Variants in MEIS1 observed in about 807,000 individuals in gnomAD.
The protein encoded by MEIS1 is homeobox protein Meis1.
Under a neutral mutation model 50.8 loss-of-function variants are expected in MEIS1, and 5 were observed. That is an observed-to-expected ratio of 0.10 (90% CI 0.05 to 0.21). MEIS1 has a LOEUF of 0.21. MEIS1 is among the 10% of genes least tolerant of loss of function. The pLI is 1.00. For missense variants in MEIS1, 318 were observed against 517.3 expected (o/e 0.61, Z 3.74); for synonymous variants, 176 against 179.3 (o/e 0.98, Z 0.15).
chr2:66,529,647 A>T (rs1674342430), intron 8 of MEIS1, among the ~76,000 whole-genome samples: 3 of 152,188 alleles, frequency 2.0e-5, no homozygotes, highest in South Asian at 4.1e-4. Context: ...AAGTTGTATT[A>T]TGAGGCATAT....
intron 8 of MEIS1, among the ~76,000 whole-genome samples, chr2:66,516,097 A>G (rs1475611997): frequency 6.6e-6 from 1 of 152,234 alleles, no homozygotes. Flanking sequence ...AAAAGAATGC[A>G]TGCCACGTTT....
At chr2:66,453,883 T>C (rs567601580) in intron 6 of MEIS1, among the ~76,000 whole-genome samples, 11 of 152,012 alleles carry the variant, frequency 7.2e-5, no homozygotes, top group African/African-American at 2.4e-4. Context: ...AGTTTAGAAG[T>C]AGAAAAGAGA....
At chr2:66,556,829 C>G (rs1307405471) in intron 9 of MEIS1, among the ~76,000 whole-genome samples, 5 of 150,092 alleles carry the variant, frequency 3.3e-5, no homozygotes, top group African/African-American at 1.2e-4. Flanking sequence ...GATCTCAGCC[C>G]CCTGGCTGGT....
chr2:66,512,005 C>T (rs1157740650), intron 7 of MEIS1, 144 bp from the exon 8 acceptor site: 19 of 1,011,796 alleles, frequency 1.9e-5, no homozygotes, highest in Non-Finnish European at 2.4e-5. Context: ...TCTTGGAAAA[C>T]AAAACACAAC....
chr2:66,499,321 C>T (rs4671730), intron 7 of MEIS1, among the ~76,000 whole-genome samples: 66,145 of 152,002 alleles, frequency 0.44, 14,663 homozygotes, highest in East Asian at 0.52. Context: ...TCTTCTTCCA[C>T]TTCACTTTGT....
At chr2:66,548,061 C>T (rs1399960185) in intron 9 of MEIS1, 42 bp downstream of exon 9, 3 of 1,578,532 alleles carry the variant, frequency 1.9e-6, no homozygotes, top group Non-Finnish European at 1.7e-6. Context: ...TCTGTTTCCC[C>T]CTCTGGCAAC....
At chr2:66,509,643 C>G (rs1673775976) in intron 7 of MEIS1, among the ~76,000 whole-genome samples, 1 of 152,200 alleles carries the variant, frequency 6.6e-6, no homozygotes, top group Non-Finnish European at 1.5e-5. Flanking sequence ...AAATTCTGTT[C>G]CTAATGCTTC....
intron 8 of MEIS1, among the ~76,000 whole-genome samples, chr2:66,521,394 C>A (rs1674118243): frequency 6.6e-6 from 1 of 151,642 alleles, no homozygotes; most frequent in Non-Finnish European, 1.5e-5. Flanking sequence ...GGCCTGGACG[C>A]CAAAGAGCTA....
chr2:66,450,013 G>C (rs1672242556), intron 6 of MEIS1, among the ~76,000 whole-genome samples: 1 of 151,990 alleles, frequency 6.6e-6, no homozygotes, highest in South Asian at 2.1e-4. Flanking sequence ...ATTACAGCTG[G>C]AGTTGTATAG....
intron 6 of MEIS1, among the ~76,000 whole-genome samples, chr2:66,449,050 CA>C (rs1672221416): frequency 6.6e-6 from 1 of 151,688 alleles, no homozygotes; most frequent in African/African-American, 2.4e-5. Context: ...CTCCTGAGTG[CA>C]AAAAAATTTA....
At chr2:66,475,382 C>T (rs1672870616) in intron 7 of MEIS1, among the ~76,000 whole-genome samples, 2 of 144,798 alleles carry the variant, frequency 1.4e-5, no homozygotes, top group Non-Finnish European at 3.0e-5. Context: ...ATATATTCTC[C>T]CTCTCATTCT....
chr2:66,480,363 C>T (rs1672988179), intron 7 of MEIS1, among the ~76,000 whole-genome samples: 1 of 152,150 alleles, frequency 6.6e-6, no homozygotes, highest in African/African-American at 2.4e-5. Flanking sequence ...CTCTGGGATA[C>T]TAGTGACTAA....
intron 7 of MEIS1, among the ~76,000 whole-genome samples, chr2:66,485,151 G>A (rs1026631784): frequency 5.9e-5 from 9 of 151,958 alleles, no homozygotes; most frequent in East Asian, 3.9e-4. Context: ...CAGAACCTGC[G>A]GGTTTGTTAC....
chr2:66,440,014 G>A, intron 3 of MEIS1, 30 bp downstream of exon 3: 8 of 1,556,716 alleles, frequency 5.1e-6, no homozygotes, highest in Non-Finnish European at 6.1e-6. Context: ...AAAAGTAAAA[G>A]AAACAAAAAG....
At chr2:66,498,679 G>T (rs1673471168) in intron 7 of MEIS1, among the ~76,000 whole-genome samples, 1 of 152,142 alleles carries the variant, frequency 6.6e-6, no homozygotes, top group Non-Finnish European at 1.5e-5. Context: ...TCCTGGCCTG[G>T]AGTGACTGGA....
At chr2:66,540,112 C>T (rs991350155) in intron 8 of MEIS1, among the ~76,000 whole-genome samples, 1 of 152,126 alleles carries the variant, frequency 6.6e-6, no homozygotes, top group Admixed American at 6.5e-5. Context: ...CCCTCAGCTT[C>T]TTCATCTGTG....
intron 6 of MEIS1, among the ~76,000 whole-genome samples, chr2:66,460,010 G>A (rs1672482326): frequency 6.6e-6 from 1 of 152,100 alleles, no homozygotes; most frequent in African/African-American, 2.4e-5. Flanking sequence ...GGAATACCTG[G>A]AAAGTGATAA....
intron 2 of MEIS1, among the ~76,000 whole-genome samples, chr2:66,438,425 A>G (rs997437508): frequency 4.6e-5 from 7 of 152,242 alleles, no homozygotes. Flanking sequence ...TGGCTCTGCC[A>G]CTGCACAATA....
intron 8 of MEIS1, among the ~76,000 whole-genome samples, chr2:66,523,165 A>C (rs1039677513): frequency 2.0e-5 from 3 of 152,198 alleles, no homozygotes; most frequent in African/African-American, 7.2e-5. Flanking sequence ...ATGAGGCAGT[A>C]ATGGACAGTT....
Sources: allele counts gnomAD v4.1 joint callset (sites outside exome capture counted in the v4.1 genomes callset), GRCh38; gene constraint gnomAD v4.1.1; transcripts MANE v1.5; gene names NCBI Gene and HGNC (gene_info 2026-07-23, HGNC 2026-07-21).